Variants in CREB3L2 observed in about 807,000 individuals in gnomAD.
CREB3L2 encodes the protein cAMP responsive element binding protein 3 like 2, also known as cyclic AMP-responsive element-binding protein 3-like protein 2.
Under a neutral mutation model 57.2 loss-of-function variants are expected in CREB3L2, and 23 were observed. The observed-to-expected ratio is 0.40, with a 90% CI of 0.29 to 0.57. The LOEUF is 0.57. Ranked by LOEUF, CREB3L2 falls within the 20% of genes least tolerant of loss-of-function variation. CREB3L2 has a pLI of 0.42. For missense variants in CREB3L2, 628 were observed against 634.7 expected, an observed-to-expected ratio of 0.99 and a Z score of 0.11; for synonymous variants, 268 against 265.1, an observed-to-expected ratio of 1.01 and a Z score of -0.11.
At chr7:137,946,211 G>A (rs1361854239) in intron 1 of CREB3L2, among the ~76,000 whole-genome samples, 5 of 152,066 alleles carry the variant, frequency 3.3e-5, no homozygotes. Flanking sequence ...TATGACAGAT[G>A]GCAGTCCTGT....
At chr7:137,971,304 G>T (rs1801502096) in intron 1 of CREB3L2, among the ~76,000 whole-genome samples, 1 of 152,138 alleles carries the variant, frequency 6.6e-6, no homozygotes, top group Non-Finnish European at 1.5e-5. Flanking sequence ...CAAAAAATTA[G>T]CCGGGTGTGG....
At chr7:137,975,334 G>A (rs1435369513) in intron 1 of CREB3L2, among the ~76,000 whole-genome samples, 1 of 152,154 alleles carries the variant, frequency 6.6e-6, no homozygotes, top group Admixed American at 6.5e-5. Context: ...CTCATAACCA[G>A]CAGGCTATTT....
intron 2 of CREB3L2, among the ~76,000 whole-genome samples, chr7:137,926,577 G>A (rs182216716): frequency 3.3e-5 from 5 of 152,224 alleles, no homozygotes; most frequent in African/African-American, 4.8e-5. Flanking sequence ...AGGGCCTGTC[G>A]GTGGGTAGCG....
At chr7:137,938,129 A>G (rs1315143250) in intron 1 of CREB3L2, among the ~76,000 whole-genome samples, 1 of 152,206 alleles carries the variant, frequency 6.6e-6, no homozygotes, top group Admixed American at 6.5e-5. Context: ...CCAAATCTAT[A>G]GAATGTACGA....
At chr7:137,897,584 A>T (rs1799654165) in intron 8 of CREB3L2, among the ~76,000 whole-genome samples, 1 of 152,018 alleles carries the variant, frequency 6.6e-6, no homozygotes, top group African/African-American at 2.4e-5. Context: ...TGGTCAGGTG[A>T]TCTCTGACCA....
chr7:137,966,755 G>A (rs1801414474), intron 1 of CREB3L2, among the ~76,000 whole-genome samples: 1 of 152,202 alleles, frequency 6.6e-6, no homozygotes, highest in Non-Finnish European at 1.5e-5. Flanking sequence ...CAAGCTGCTA[G>A]AACTGTGCTT....
At chr7:137,990,667 T>C (rs191215129) in intron 1 of CREB3L2, among the ~76,000 whole-genome samples, 9 of 152,296 alleles carry the variant, frequency 5.9e-5, no homozygotes, top group Admixed American at 3.3e-4. Context: ...ATTGGTAACC[T>C]TGGATTTAAA....
rs202024504 is a variant in CREB3L2, at chr7:137,928,112, G to C, written c.319+38C>G. The stretch of plus-strand genomic sequence containing the variant: ...CACCCTCAAGAGCTCAGAACCAAAG[G>C]CGCTAAGGTCCAGGTCTTCCTCCTC... On this transcript the variant is annotated intron_variant, in intron 2 of 11. Transcript: ENST00000330387. 234 of 1,492,136 alleles carry C rather than the reference G, an allele frequency of 1.6e-4. 1 individual carries two copies. The African/African-American group carries it at 2.8e-3, about 18-fold the overall frequency. 92.4% of individuals were successfully genotyped at this position (1,492,136 alleles called of 1,614,324 possible).
chr7:137,892,040 C>T (rs1343860248), intron 8 of CREB3L2, among the ~76,000 whole-genome samples: 1 of 152,154 alleles, frequency 6.6e-6, no homozygotes, highest in African/African-American at 2.4e-5. Flanking sequence ...TTTTTCACAG[C>T]CTTATGGAAG....
intron 8 of CREB3L2, among the ~76,000 whole-genome samples, chr7:137,897,193 G>A (rs773660624): frequency 5.3e-5 from 8 of 152,252 alleles, no homozygotes; most frequent in Non-Finnish European, 2.9e-5. Flanking sequence ...ACATCAAATC[G>A]TTACATTGTA....
intron 5 of CREB3L2, among the ~76,000 whole-genome samples, chr7:137,906,948 T>C (rs1005466192): frequency 2.6e-5 from 4 of 152,148 alleles, no homozygotes; most frequent in African/African-American, 9.7e-5. Flanking sequence ...CAATCTCGGG[T>C]ATGTCTTTAT....
chr7:137,966,406 G>C (rs1387099121), intron 1 of CREB3L2, among the ~76,000 whole-genome samples: 1 of 152,116 alleles, frequency 6.6e-6, no homozygotes, highest in Non-Finnish European at 1.5e-5. Flanking sequence ...TTAATACATT[G>C]GTGCTCCCTC....
At chr7:137,921,176 T>A (rs191120563) in intron 2 of CREB3L2, among the ~76,000 whole-genome samples, 1 of 152,342 alleles carries the variant, frequency 6.6e-6, no homozygotes, top group East Asian at 1.9e-4. Flanking sequence ...AAAATAAAAA[T>A]GTTCTTTCCG....
At chr7:137,966,520 GA>G (rs1167674883) in intron 1 of CREB3L2, among the ~76,000 whole-genome samples, 1 of 152,146 alleles carries the variant, frequency 6.6e-6, no homozygotes, top group African/African-American at 2.4e-5. Context: ...GGAAAGCTCA[GA>G]ATAAGTTAAT....
chr7:137,925,260 T>C (rs1171193919), intron 2 of CREB3L2, among the ~76,000 whole-genome samples: 1 of 152,104 alleles, frequency 6.6e-6, no homozygotes, highest in Admixed American at 6.6e-5. Flanking sequence ...GGAGGGAGTT[T>C]CCACTTAACT....
At position 137,954,846 on chromosome 7, in the gene CREB3L2, G is replaced by A. The variant is rs114296916; in HGVS notation, c.103-26480C>T. Among the ~76,000 whole-genome samples, 330 of 152,264 alleles carry A rather than the reference G, an allele frequency of 2.2e-3. 3 individuals carry two copies. Among genetic ancestry groups the A allele is most frequent in the African/African-American group, 7.7e-3 (318 of 41,546 alleles). ...TGGGATATCTCTCAGTCCCACAGAA[G>A]TCGGAACAACTGCCCAACCTACAAA... On this transcript the variant is annotated intron_variant, in intron 1 of 11. Coordinates refer to ENST00000330387, the MANE Select transcript of CREB3L2 (RefSeq NM_194071.4).
At position 137,929,810 on chromosome 7, in the gene CREB3L2, A is replaced by T. The variant is rs1025100763; in HGVS notation, c.103-1444T>A. 4.0e-5 allele frequency among the ~76,000 whole-genome samples: 6 copies of T among 150,334 alleles called. No individual in the cohort carries two copies. In the East Asian group the frequency reaches 1.2e-3, roughly 30 times the overall value. On this transcript the variant is annotated intron_variant, in intron 1 of 11. Coordinates refer to ENST00000330387, the MANE Select transcript of CREB3L2 (RefSeq NM_194071.4). ...CTTGAACCTAGGAGGCAGAGCTTGCAGTGAGCCAAGATCGAGCCACTGCAC... is the reference window on the plus strand; with the variant it reads ...CTTGAACCTAGGAGGCAGAGCTTGCTGTGAGCCAAGATCGAGCCACTGCAC...
chr7:137,908,811 T>G (rs1396645425), intron 4 of CREB3L2, among the ~76,000 whole-genome samples: 1 of 152,064 alleles, frequency 6.6e-6, no homozygotes, highest in Non-Finnish European at 1.5e-5. Context: ...CCATCTCTAC[T>G]AAAAATACAA....
chr7:137,960,809 CTTTTTTTTT>C (rs66493086), intron 1 of CREB3L2, among the ~76,000 whole-genome samples: 4 of 95,574 alleles, frequency 4.2e-5, no homozygotes, highest in African/African-American at 8.6e-5. Context: ...TAAATTATTT[CTTTTTTTTT>C]TTTTTTTTTT....
Sources: allele counts gnomAD v4.1 joint callset (sites outside exome capture counted in the v4.1 genomes callset), GRCh38; gene constraint gnomAD v4.1.1; transcripts MANE v1.5; gene names NCBI Gene and HGNC (gene_info 2026-07-23, HGNC 2026-07-21).